ZFYVE9: variants seen among roughly 807,000 people sequenced by gnomAD.
ZFYVE9 encodes zinc finger FYVE domain-containing protein 9.
In ZFYVE9, 43 loss-of-function variants were observed where a neutral mutation model predicts 126.7. That is an observed-to-expected ratio of 0.34 (90% confidence interval 0.27 to 0.44). The LOEUF (loss-of-function observed/expected upper bound fraction) is 0.44. Ranked by LOEUF, ZFYVE9 falls within the 20% of genes least tolerant of loss-of-function variation. The pLI, the probability that ZFYVE9 is intolerant of heterozygous loss-of-function variation, is 1.00. For missense variants in ZFYVE9, 1,476 were observed against 1,697.0 expected, an observed-to-expected ratio of 0.87 and a Z score of 2.29; for synonymous variants, 521 against 597.4, an observed-to-expected ratio of 0.87 and a Z score of 1.87.
chr1:52,182,124 G>A (rs1644714749), intron 1 of ZFYVE9, among the ~76,000 whole-genome samples: 1 of 151,718 alleles, frequency 6.6e-6, no homozygotes, highest in East Asian at 2.0e-4. Flanking sequence ...CCAGGAGAGA[G>A]GTGGGGGGTC....
rs538171649 is a variant in ZFYVE9, at chr1:52,204,947, C to G, written c.-142-11422C>G. Among the ~76,000 whole-genome samples the G allele has an allele frequency of 2.6e-5, 4 of 152,188 alleles. No individual in the cohort carries two copies. The South Asian group carries it at 8.3e-4, about 32-fold the overall frequency. ...TTTGTCAATTATAATTCAAGCTTTT[C>G]TGCCCGACATCTGGTTCCCACAGAG... On this transcript the variant is annotated intron_variant, in intron 1 of 18. Coordinates refer to ENST00000287727, the MANE Select transcript of ZFYVE9 (RefSeq NM_004799.4).
chr1:52,263,034 G>A (rs1027090634), intron 4 of ZFYVE9, among the ~76,000 whole-genome samples: 26 of 143,558 alleles, frequency 1.8e-4, no homozygotes, highest in African/African-American at 5.6e-4. Context: ...AACCAAGATC[G>A]CACCACTGCA....
At chr1:52,345,944 A>C in intron 18 of ZFYVE9, 116 bp from the exon 19 acceptor site, 1 of 1,059,080 alleles carries the variant, frequency 9.4e-7, no homozygotes, top group Non-Finnish European at 1.3e-6. Context: ...TCACTGCCAT[A>C]TGTTTAGCCT....
intron 14 of ZFYVE9, among the ~76,000 whole-genome samples, chr1:52,334,403 C>T (rs1646371100): frequency 6.6e-6 from 1 of 152,160 alleles, no homozygotes. Context: ...GCTTGCCAAC[C>T]CCCTGACCTC....
intron 6 of ZFYVE9, among the ~76,000 whole-genome samples, chr1:52,267,696 G>T (rs1342845105): frequency 6.6e-6 from 1 of 151,718 alleles, no homozygotes; most frequent in East Asian, 1.9e-4. Context: ...GTATTTTTAT[G>T]AATTTAGGCT....
chr1:52,267,763 G>C (rs1645648149), intron 6 of ZFYVE9, among the ~76,000 whole-genome samples: 1 of 152,030 alleles, frequency 6.6e-6, no homozygotes, highest in South Asian at 2.1e-4. Context: ...CCTAGTCTCT[G>C]TGTGTTTTGG....
chr1:52,183,753 G>A (rs1432414692), intron 1 of ZFYVE9, among the ~76,000 whole-genome samples: 1 of 152,116 alleles, frequency 6.6e-6, no homozygotes, highest in African/African-American at 2.4e-5. Flanking sequence ...CAATCCACCC[G>A]CCTCGGCCTC....
intron 4 of ZFYVE9, among the ~76,000 whole-genome samples, chr1:52,258,097 T>C (rs1482917530): frequency 6.6e-6 from 1 of 152,234 alleles, no homozygotes; most frequent in East Asian, 1.9e-4. Flanking sequence ...TACTGAGTAC[T>C]ATGTTTCAGA....
intron 7 of ZFYVE9, among the ~76,000 whole-genome samples, chr1:52,272,673 CTTTTTTT>C (rs58857376): frequency 2.5e-5 from 3 of 121,262 alleles, no homozygotes; most frequent in African/African-American, 1.0e-4. Context: ...TAGAAATAAT[CTTTTTTT>C]TTTTTTTTTT....
At chr1:52,277,244 CTA>C (rs1267123043) in intron 8 of ZFYVE9, among the ~76,000 whole-genome samples, 1 of 150,984 alleles carries the variant, frequency 6.6e-6, no homozygotes, top group Non-Finnish European at 1.5e-5. Flanking sequence ...GTAAAAATAT[CTA>C]TTGTTAGTAA....
At chr1:52,298,943 G>T (rs1646005788) in intron 12 of ZFYVE9, among the ~76,000 whole-genome samples, 1 of 151,780 alleles carries the variant, frequency 6.6e-6, no homozygotes, top group Admixed American at 6.6e-5. Flanking sequence ...CGAGTAGCTG[G>T]GACTACAGGT....
At chr1:52,204,096 T>A (rs2124574350) in intron 1 of ZFYVE9, among the ~76,000 whole-genome samples, 1 of 152,038 alleles carries the variant, frequency 6.6e-6, no homozygotes, top group African/African-American at 2.4e-5. Context: ...TTTTTTTTTT[T>A]AACCTTATGC....
chr1:52,296,235 G>T (rs1305630570), intron 12 of ZFYVE9, among the ~76,000 whole-genome samples: 1 of 151,702 alleles, frequency 6.6e-6, no homozygotes, highest in Admixed American at 6.6e-5. Context: ...AAATGGTACA[G>T]GATTCCAGCG....
In ZFYVE9 at chr1:52,238,972, A is replaced by G; in HGVS notation, c.1555A>G (p.Ile519Val). 2 of 1,614,146 alleles carry G rather than the reference A, an allele frequency of 1.2e-6. No homozygotes were observed. The highest frequency in any genetic ancestry group is 1.7e-6 in the Non-Finnish European group (2 of 1,180,018). ...EESKSECYSN[I>V]YEQRGNEATE... ...AAGCAAGTCAGAATGCTACTCAAATATTTATGAACAGAGAGGAAATGAGGC... is the reference window on the plus strand; with the variant it reads ...AAGCAAGTCAGAATGCTACTCAAATGTTTATGAACAGAGAGGAAATGAGGC... Residue 519 changes from isoleucine (I) to valine (V), a missense_variant, in exon 4 of 19, where the codon ATT becomes GTT. Coordinates refer to ENST00000287727, the MANE Select transcript of ZFYVE9 (RefSeq NM_004799.4).
At chr1:52,255,442 G>A (rs535656182) in intron 4 of ZFYVE9, among the ~76,000 whole-genome samples, 1 of 151,950 alleles carries the variant, frequency 6.6e-6, no homozygotes, top group South Asian at 2.1e-4. Flanking sequence ...AAAATTAGCC[G>A]GGCATGGTGG....
chr1:52,181,044 GTCCCTCTCCCTC>G (rs372738053), intron 1 of ZFYVE9, among the ~76,000 whole-genome samples: 20 of 148,272 alleles, frequency 1.3e-4, no homozygotes, highest in African/African-American at 2.8e-4. Context: ...TTTGGAACTC[GTCCCTCTCCCTC>G]TCCCTCTCCC....
intron 1 of ZFYVE9, among the ~76,000 whole-genome samples, chr1:52,188,075 C>T (rs1202278784): frequency 6.6e-6 from 1 of 152,206 alleles, no homozygotes; most frequent in East Asian, 1.9e-4. Flanking sequence ...TGGAATCAAC[C>T]TAAATGCCTA....
At chr1:52,222,585 G>A (rs1231298855) in intron 2 of ZFYVE9, among the ~76,000 whole-genome samples, 1 of 152,168 alleles carries the variant, frequency 6.6e-6, no homozygotes, top group East Asian at 1.9e-4. Flanking sequence ...TTATAAGGGG[G>A]CATACAGGGT....
Position 52,180,511 on chromosome 1 carries a change from G to A in ZFYVE9, c.-142-35858G>A, listed in dbSNP as rs1644688004. On this transcript the variant is annotated intron_variant, in intron 1 of 18. Coordinates refer to ENST00000287727, the MANE Select transcript of ZFYVE9 (RefSeq NM_004799.4). Reference sequence around the variant, plus strand: ...GATGTATTGCTGTCCTCAGTGCAATGCTCTGTCCCCATGAAGAGGGACAGT... The same window carrying A: ...GATGTATTGCTGTCCTCAGTGCAATACTCTGTCCCCATGAAGAGGGACAGT... The A allele has an allele frequency of 7.8e-6, 6 of 771,856 alleles. No individual in the cohort carries two copies. The East Asian group carries it at 1.5e-4, about 19-fold the overall frequency. 47.8% of individuals were successfully genotyped at this position (771,856 alleles called of 1,614,324 possible). A position where few individuals can be genotyped will look rare whatever the true frequency, so the allele number is the denominator to read the frequency against.
Sources: gnomAD v4.1 joint callset for allele counts (sites outside exome capture counted in the v4.1 genomes callset) on GRCh38, gnomAD v4.1.1 for gene constraint, MANE v1.5 for transcripts, NCBI Gene and HGNC (gene_info 2026-07-23, HGNC 2026-07-21) for gene names.